The following GLDC variants were observed in gnomAD, a reference collection of about 807,000 sequenced individuals.
GLDC encodes glycine dehydrogenase (decarboxylating), mitochondrial.
Under a neutral mutation model 121.3 loss-of-function variants are expected in GLDC, and 104 were observed. That is an observed-to-expected ratio of 0.86 (90% CI 0.73 to 1.01). GLDC has a LOEUF of 1.01. Ranked by LOEUF, GLDC falls within the 50% of genes least tolerant of loss-of-function variation. The pLI, the probability that GLDC is intolerant of heterozygous loss-of-function variation, is 0.00. For missense variants in GLDC, 1,429 were observed against 1,306.6 expected (o/e 1.09, Z -1.44); for synonymous variants, 546 against 480.6 (o/e 1.14, Z -1.78).
chr9:6,607,517 G>T (rs769851157), intron 4 of GLDC, among the ~76,000 whole-genome samples: 8 of 152,126 alleles, frequency 5.3e-5, no homozygotes, highest in Non-Finnish European at 1.0e-4. Context: ...GGGAGGCAGA[G>T]GTTGCAGTGA....
chr9:6,536,262 C>T (rs1817128925), intron 22 of GLDC, 26 bp from the exon 23 acceptor site: 5 of 1,606,026 alleles, frequency 3.1e-6, no homozygotes, highest in Non-Finnish European at 4.3e-6. Flanking sequence ...GGAGAACTTG[C>T]CTCACTGAAG....
chr9:6,560,631 G>T (rs1054572859), intron 16 of GLDC, among the ~76,000 whole-genome samples: 3 of 152,114 alleles, frequency 2.0e-5, no homozygotes, highest in Admixed American at 1.3e-4. Flanking sequence ...AGGAGAAAGG[G>T]GAATGTTAAA....
At chr9:6,620,115 G>C in intron 3 of GLDC, 69 bp downstream of exon 3, 1 of 1,490,742 alleles carries the variant, frequency 6.7e-7, no homozygotes, top group Non-Finnish European at 9.3e-7. Context: ...ACTGCAAGGG[G>C]ACAGATGGAG....
intron 16 of GLDC, among the ~76,000 whole-genome samples, chr9:6,559,154 T>C (rs982560983): frequency 6.6e-6 from 1 of 152,144 alleles, no homozygotes; most frequent in Non-Finnish European, 1.5e-5. Context: ...ATTATATCAA[T>C]ATTTATCGGA....
chr9:6,556,120 T>C, intron 18 of GLDC, 33 bp downstream of exon 18: 1 of 1,584,736 alleles, frequency 6.3e-7, no homozygotes, highest in Non-Finnish European at 8.7e-7. Flanking sequence ...ATTTTCTCAG[T>C]GGGAACTAAG....
chr9:6,570,660 C>G (rs1308934877), intron 15 of GLDC, among the ~76,000 whole-genome samples: 1 of 152,084 alleles, frequency 6.6e-6, no homozygotes, highest in Non-Finnish European at 1.5e-5. Flanking sequence ...TCGAGACCAA[C>G]CTGGCCAACA....
At chr9:6,641,568 G>A (rs1262942211) in intron 2 of GLDC, among the ~76,000 whole-genome samples, 1 of 152,168 alleles carries the variant, frequency 6.6e-6, no homozygotes, top group Non-Finnish European at 1.5e-5. Flanking sequence ...TCACTTACCA[G>A]CTATGACCTT....
At chr9:6,553,650 C>A in intron 19 of GLDC, 141 bp from the exon 20 acceptor site, 1 of 783,466 alleles carries the variant, frequency 1.3e-6, no homozygotes, top group Non-Finnish European at 2.2e-6. Flanking sequence ...TGCTGGGAGG[C>A]AGATGTTCAG....
chr9:6,620,979 G>C (rs1399301095), intron 2 of GLDC, among the ~76,000 whole-genome samples: 3 of 152,116 alleles, frequency 2.0e-5, no homozygotes, highest in Non-Finnish European at 4.4e-5. Context: ...ACAAGCCTGG[G>C]CAAGGCGGTG....
At chr9:6,546,924 T>C (rs1817404720) in intron 21 of GLDC, among the ~76,000 whole-genome samples, 1 of 151,952 alleles carries the variant, frequency 6.6e-6, no homozygotes, top group African/African-American at 2.4e-5. Context: ...ATCACACCAC[T>C]GCACTCCCAC....
At position 6,599,873 on chromosome 9, in the gene GLDC, T is replaced by A. The variant is rs952896056; in HGVS notation, c.1155+2236A>T. Among the ~76,000 whole-genome samples the A allele has an allele frequency of 2.6e-5, 4 of 152,162 alleles. No individual in the cohort carries two copies. The East Asian group carries it at 7.7e-4, about 29-fold the overall frequency. ...GGTGGCACCTTCCTGAGGCAAAACA[T>A]AATACAAAAGGACCAACTGAGGAAA... On this transcript the variant is annotated intron_variant, in intron 8 of 24. Coordinates refer to ENST00000321612, the MANE Select transcript of GLDC (RefSeq NM_000170.3).
intron 3 of GLDC, among the ~76,000 whole-genome samples, chr9:6,619,174 A>G (rs1461383616): frequency 3.4e-4 from 48 of 141,614 alleles, no homozygotes; most frequent in African/African-American, 6.9e-4. Context: ...AAAAAAAAAA[A>G]AAGAAGAAGT....
chr9:6,612,357 C>A (rs1441982999), intron 3 of GLDC, among the ~76,000 whole-genome samples: 2 of 152,172 alleles, frequency 1.3e-5, no homozygotes, highest in Non-Finnish European at 2.9e-5. Flanking sequence ...GAAAGGCAAC[C>A]TCCCCACCAC....
At chr9:6,577,726 G>C (rs182753674) in intron 15 of GLDC, among the ~76,000 whole-genome samples, 1 of 151,800 alleles carries the variant, frequency 6.6e-6, no homozygotes, top group African/African-American at 2.4e-5. Flanking sequence ...GTTTTACGCA[G>C]CTAACATCTG....
chr9:6,610,609 G>C (rs1818832595), intron 3 of GLDC, among the ~76,000 whole-genome samples: 2 of 151,984 alleles, frequency 1.3e-5, no homozygotes, highest in African/African-American at 4.8e-5. Context: ...TTTTTTGTTT[G>C]TTGGTTTTTG....
chr9:6,617,176 G>A (rs890949441), intron 3 of GLDC, among the ~76,000 whole-genome samples: 8 of 152,162 alleles, frequency 5.3e-5, no homozygotes, highest in Non-Finnish European at 8.8e-5. Context: ...CCACCCACAT[G>A]TGCACAGCCC....
intron 16 of GLDC, among the ~76,000 whole-genome samples, chr9:6,563,499 C>G (rs1355849181): frequency 2.6e-5 from 4 of 152,164 alleles, no homozygotes; most frequent in Admixed American, 2.6e-4. Context: ...TGAAGAGGAA[C>G]TCCAGAGACG....
chr9:6,566,025 C>A (rs1245875953), intron 15 of GLDC, among the ~76,000 whole-genome samples: 1 of 152,100 alleles, frequency 6.6e-6, no homozygotes, highest in Non-Finnish European at 1.5e-5. Context: ...GCAGAGCATT[C>A]GAGCTCAGAA....
chr9:6,597,846 G>A (rs1034526546), intron 8 of GLDC, among the ~76,000 whole-genome samples: 3 of 152,080 alleles, frequency 2.0e-5, no homozygotes, highest in Non-Finnish European at 4.4e-5. Context: ...TGAGGCAGGA[G>A]AATGGCGTGA....
Sources: gnomAD v4.1 joint callset for allele counts (sites outside exome capture counted in the v4.1 genomes callset) on GRCh38, gnomAD v4.1.1 for gene constraint, MANE v1.5 for transcripts, NCBI Gene and HGNC (gene_info 2026-07-23, HGNC 2026-07-21) for gene names.